Variants in TMEM132D observed in about 807,000 individuals in gnomAD.
TMEM132D encodes mature OL transmembrane protein.
TMEM132D carries 21 observed loss-of-function variants against 62.3 expected under a neutral mutation model. The observed-to-expected ratio is 0.34, with a 90% confidence interval of 0.24 to 0.49. The LOEUF is 0.49. Among genes scored for constraint, TMEM132D ranks in the 20% least tolerant of loss-of-function variants. The pLI is 0.99. For missense variants in TMEM132D, 1,346 were observed against 1,402.8 expected (o/e 0.96, Z 0.65); for synonymous variants, 621 against 575.6 (o/e 1.08, Z -1.13).
intron 1 of TMEM132D, among the ~76,000 whole-genome samples, chr12:129,847,063 G>C (rs202123484): frequency 2.0e-5 from 3 of 152,154 alleles, no homozygotes; most frequent in African/African-American, 7.2e-5. Flanking sequence ...TTGCAAGCAG[G>C]CAATTAGAGT....
At chr12:129,196,332 A>G (rs548850138) in intron 5 of TMEM132D, among the ~76,000 whole-genome samples, 2 of 152,252 alleles carry the variant, frequency 1.3e-5, no homozygotes, top group South Asian at 4.2e-4. Flanking sequence ...AGTCTGTGCA[A>G]TCCTCATGAT....
chr12:129,824,560 G>A (rs928287670), intron 1 of TMEM132D, among the ~76,000 whole-genome samples: 1 of 152,078 alleles, frequency 6.6e-6, no homozygotes, highest in African/African-American at 2.4e-5. Context: ...CCCCCGGGAT[G>A]GGACTAGTTC....
intron 5 of TMEM132D, among the ~76,000 whole-genome samples, chr12:129,185,425 G>T (rs557710386): frequency 6.6e-6 from 1 of 152,106 alleles, no homozygotes; most frequent in Non-Finnish European, 1.5e-5. Flanking sequence ...TTAAATTCCC[G>T]ACTAATGTGT....
At chr12:129,476,320 G>A (rs937509956) in intron 3 of TMEM132D, among the ~76,000 whole-genome samples, 1 of 152,148 alleles carries the variant, frequency 6.6e-6, no homozygotes, top group African/African-American at 2.4e-5. Flanking sequence ...TTGCTGTCAG[G>A]GATCAGAATG....
At chr12:129,197,830 G>C (rs899806680) in intron 5 of TMEM132D, among the ~76,000 whole-genome samples, 15 of 152,168 alleles carry the variant, frequency 9.9e-5, no homozygotes, top group Non-Finnish European at 2.1e-4. Context: ...CAAAGGAAAC[G>C]ATTAACAGTG....
Position 129,158,551 on chromosome 12 carries a change from T to A in TMEM132D, c.1443+50969A>T, listed in dbSNP as rs545399137. Among the ~76,000 whole-genome samples the A allele has an allele frequency of 4.6e-5, 7 of 152,308 alleles. No homozygotes were observed. The South Asian group carries it at 1.4e-3, about 32-fold the overall frequency. On this transcript the variant is annotated intron_variant, in intron 5 of 8. Transcript: ENST00000422113. ...CATAGAAGTATATCCAGGCATTGAT[T>A]GAATCTATGCAAACGTACAAAATCC...
intron 4 of TMEM132D, among the ~76,000 whole-genome samples, chr12:129,321,287 A>G (rs1398443278): frequency 6.6e-6 from 1 of 152,188 alleles, no homozygotes; most frequent in Admixed American, 6.5e-5. Context: ...AAAGTCAAGA[A>G]TTCTATTAAG....
chr12:129,137,121 CCAT>C (rs899965598), intron 5 of TMEM132D, among the ~76,000 whole-genome samples: 1 of 149,234 alleles, frequency 6.7e-6, no homozygotes, highest in South Asian at 2.2e-4. Context: ...ACCATCATCA[CCAT>C]CATCATCACC....
intron 3 of TMEM132D, among the ~76,000 whole-genome samples, chr12:129,392,577 A>G (rs1871316240): frequency 6.6e-6 from 1 of 152,168 alleles, no homozygotes; most frequent in South Asian, 2.1e-4. Flanking sequence ...AGTGGTTCAC[A>G]AAGTGTGGTC....
At position 129,747,209 on chromosome 12, in the gene TMEM132D, C is replaced by CCCGCTCCTTCTTA. The variant is rs1555229160; in HGVS notation, c.80-46512_80-46511insTAAGAAGGAGCGG. Among the ~76,000 whole-genome samples, 39 of 29,580 alleles carry CCCGCTCCTTCTTA rather than the reference C, an allele frequency of 1.3e-3. 1 individual carries two copies. The East Asian group carries it at 0.036, about 27-fold the overall frequency. 19.4% of individuals were successfully genotyped at this position (29,580 alleles called of 152,430 possible). On this transcript the variant is annotated intron_variant, in intron 1 of 8. Coordinates refer to ENST00000422113, the MANE Select transcript of TMEM132D (RefSeq NM_133448.3). ...CTCCCTCCTCCCTCTCCTTCTTACT[C>CCCGCTCCTTCTTA]CTCCTTCCAGCCACCCTGTCCTCTT...
chr12:129,774,377 G>A (rs1344490004), intron 1 of TMEM132D, among the ~76,000 whole-genome samples: 1 of 152,146 alleles, frequency 6.6e-6, no homozygotes, highest in African/African-American at 2.4e-5. Flanking sequence ...CCAACCTCAT[G>A]AACAGTGACT....
rs184628807 is a variant in TMEM132D, at chr12:129,890,185, A to G, written c.79+13076T>C. 8.5e-5 allele frequency among the ~76,000 whole-genome samples: 13 copies of G among 152,322 alleles called. 1 individual carries two copies. Among genetic ancestry groups the G allele is most frequent in the Middle Eastern group, 3.4e-3 (1 of 294 alleles). ...TAAATTGGATGTGCAGGGATCTCTC[A>G]GAGCTTGGGTTTTTGGCCTGGCCTA... On this transcript the variant is annotated intron_variant, in intron 1 of 8. Transcript: ENST00000422113.
chr12:129,432,128 T>G (rs911658820), intron 3 of TMEM132D, among the ~76,000 whole-genome samples: 1 of 138,200 alleles, frequency 7.2e-6, no homozygotes, highest in African/African-American at 2.8e-5. Flanking sequence ...GATAGGTGGA[T>G]GGATGGATGG....
intron 1 of TMEM132D, among the ~76,000 whole-genome samples, chr12:129,832,637 C>A (rs1669784756): frequency 6.6e-6 from 1 of 152,160 alleles, no homozygotes; most frequent in Non-Finnish European, 1.5e-5. Context: ...CCACCTCTGC[C>A]TCCTCCCAGG....
At position 129,490,423 on chromosome 12, in the gene TMEM132D, C is replaced by CTTTTTTTTTTTTTTTTTT. The variant is rs11311745; in HGVS notation, c.1115+40618_1115+40635dup. 3.4e-5 allele frequency among the ~76,000 whole-genome samples: 2 copies of CTTTTTTTTTTTTTTTTTT among 58,552 alleles called. 1 individual carries two copies. Among genetic ancestry groups the CTTTTTTTTTTTTTTTTTT allele is most frequent in the African/African-American group, 1.5e-4 (2 of 13,256 alleles). 38.4% of individuals were successfully genotyped at this position (58,552 alleles called of 152,430 possible). The stretch of plus-strand genomic sequence containing the variant: ...CACCTGAACATCATAATTTCCTTTC[C>CTTTTTTTTTTTTTTTTTT]TTTTTTTTTTTTTTTTTTTTTTTTT... On this transcript the variant is annotated intron_variant, in intron 3 of 8. Transcript: ENST00000422113.
At chr12:129,464,566 T>C (rs1873817200) in intron 3 of TMEM132D, among the ~76,000 whole-genome samples, 1 of 152,238 alleles carries the variant, frequency 6.6e-6, no homozygotes, top group Non-Finnish European at 1.5e-5. Flanking sequence ...TCCTGAATAG[T>C]AATGCCTAGG....
At chr12:129,337,196 C>A (rs1245497461) in intron 4 of TMEM132D, among the ~76,000 whole-genome samples, 2 of 152,018 alleles carry the variant, frequency 1.3e-5, no homozygotes, top group Admixed American at 6.6e-5. Context: ...GTCTGGGGGA[C>A]CAGGCGGGTG....
At chr12:129,432,585 T>C (rs1389643628) in intron 3 of TMEM132D, among the ~76,000 whole-genome samples, 1 of 152,216 alleles carries the variant, frequency 6.6e-6, no homozygotes, top group Non-Finnish European at 1.5e-5. Context: ...TGTGACTCTG[T>C]AGTGTGAGAC....
At chr12:129,851,738 GTCT>G (rs1488706973) in intron 1 of TMEM132D, among the ~76,000 whole-genome samples, 1 of 152,172 alleles carries the variant, frequency 6.6e-6, no homozygotes, top group Non-Finnish European at 1.5e-5. Flanking sequence ...CTGCAACACT[GTCT>G]ATGTCAGGGG....
Sources: allele counts gnomAD v4.1 joint callset (sites outside exome capture counted in the v4.1 genomes callset), GRCh38; gene constraint gnomAD v4.1.1; transcripts MANE v1.5; gene names NCBI Gene and HGNC (gene_info 2026-07-23, HGNC 2026-07-21).